FAM171B: variants seen among roughly 807,000 people sequenced by gnomAD.
FAM171B encodes the protein protein FAM171B.
A neutral mutation model predicts 75.6 loss-of-function variants in FAM171B; 19 were observed. That is an observed-to-expected ratio of 0.25 (90% confidence interval 0.18 to 0.37). The LOEUF is 0.37. Ranked by LOEUF, FAM171B falls within the 10% of genes least tolerant of loss-of-function variation. FAM171B has a pLI of 1.00. For missense variants in FAM171B, 848 were observed against 982.4 expected (o/e 0.86, Z 1.83); for synonymous variants, 367 against 361.7 (o/e 1.01, Z -0.17).
In FAM171B at chr2:186,758,818, TATAA is replaced by T. The variant is rs1250875428; in HGVS notation, c.1013-2292_1013-2289del. Among the ~76,000 whole-genome samples the T allele has an allele frequency of 7.2e-5, 11 of 152,246 alleles. No homozygotes were observed. In the East Asian group the frequency reaches 1.7e-3, roughly 24 times the overall value. Reference sequence around the variant, plus strand: ...AATGGGGTATTACCTCAAGCATTGTTATAAATGTTTTAATCATACTCTTTATTTT... The same window carrying T: ...AATGGGGTATTACCTCAAGCATTGTTATGTTTTAATCATACTCTTTATTTT... On this transcript the variant is annotated intron_variant, in intron 6 of 7. Transcript: ENST00000304698.
At chr2:186,744,805 G>A (rs1182544275) in intron 3 of FAM171B, among the ~76,000 whole-genome samples, 2 of 149,974 alleles carry the variant, frequency 1.3e-5, no homozygotes, top group African/African-American at 4.9e-5. Flanking sequence ...AGGATTACAG[G>A]CATGAGCCAC....
intron 1 of FAM171B, among the ~76,000 whole-genome samples, chr2:186,707,501 C>A (rs1242834135): frequency 6.6e-6 from 1 of 152,128 alleles, no homozygotes; most frequent in Non-Finnish European, 1.5e-5. Context: ...CCTTGGGGAT[C>A]GTTCCCAACC....
intron 3 of FAM171B, among the ~76,000 whole-genome samples, chr2:186,746,624 A>G (rs1349751891): frequency 6.6e-6 from 1 of 152,208 alleles, no homozygotes; most frequent in Admixed American, 6.5e-5. Flanking sequence ...CAACTCCTGG[A>G]TGTATACCTG....
At chr2:186,758,950 C>T (rs922073773) in intron 6 of FAM171B, among the ~76,000 whole-genome samples, 9 of 151,900 alleles carry the variant, frequency 5.9e-5, no homozygotes, top group African/African-American at 1.9e-4. Flanking sequence ...CTCCCCCAAC[C>T]CCACACTACC....
At chr2:186,761,032 A>G (rs1690606409) in intron 6 of FAM171B, 81 bp from the exon 7 acceptor site, 2 of 1,431,344 alleles carry the variant, frequency 1.4e-6, no homozygotes, top group Non-Finnish European at 1.9e-6. Context: ...CACTTATTCA[A>G]TTTGCCTCAC....
chr2:186,756,879 A>T (rs945775874), intron 6 of FAM171B, among the ~76,000 whole-genome samples: 15 of 152,114 alleles, frequency 9.9e-5, no homozygotes, highest in African/African-American at 3.6e-4. Flanking sequence ...AATCAGGGGA[A>T]CACTTACTTA....
chr2:186,750,796 C>G (rs1690441565), intron 4 of FAM171B, among the ~76,000 whole-genome samples: 1 of 151,948 alleles, frequency 6.6e-6, no homozygotes, highest in Non-Finnish European at 1.5e-5. Flanking sequence ...TATGATAGAG[C>G]CTTTATGGAA....
At chr2:186,735,788 A>C (rs1377570084) in intron 1 of FAM171B, among the ~76,000 whole-genome samples, 1 of 152,232 alleles carries the variant, frequency 6.6e-6, no homozygotes, top group Non-Finnish European at 1.5e-5. Context: ...AAATTGTTAC[A>C]ACCATATTTA....
Position 186,763,083 on chromosome 2 carries a change from C to T in FAM171B, c.*260C>T, listed in dbSNP as rs994842107. 2.7e-6 allele frequency: 1 copy of T among 373,320 alleles called. No individual in the cohort carries two copies. The highest frequency in any genetic ancestry group is 4.8e-6 in the Non-Finnish European group (1 of 208,712). The allele number at this position is 373,320 out of a possible 1,614,324, so 23.1% of individuals were successfully genotyped here. ...AAAATAGCTTCAAGATGTTAGTTAT[C>T]TGAAAATGTTGCTCAGCCAGCCAGT... On this transcript the variant is annotated 3_prime_UTR_variant, in exon 8 of 8. Transcript: ENST00000304698.
intron 1 of FAM171B, among the ~76,000 whole-genome samples, chr2:186,700,112 G>A (rs1689636120): frequency 6.6e-6 from 1 of 151,556 alleles, no homozygotes; most frequent in South Asian, 2.1e-4. Context: ...TGGCTATTTG[G>A]AGCCTTTTGT....
At chr2:186,739,602 T>C (rs1690257391) in intron 1 of FAM171B, among the ~76,000 whole-genome samples, 1 of 152,192 alleles carries the variant, frequency 6.6e-6, no homozygotes, top group Admixed American at 6.5e-5. Context: ...CCACATCTTG[T>C]CCTACTGGAA....
intron 1 of FAM171B, among the ~76,000 whole-genome samples, chr2:186,716,885 C>T (rs1689882738): frequency 6.6e-6 from 1 of 152,108 alleles, no homozygotes; most frequent in Non-Finnish European, 1.5e-5. Context: ...TGTAGTAATA[C>T]TTCAGGACCA....
intron 1 of FAM171B, among the ~76,000 whole-genome samples, chr2:186,713,380 C>T (rs1689834968): frequency 6.6e-6 from 1 of 152,146 alleles, no homozygotes; most frequent in South Asian, 2.1e-4. Flanking sequence ...ATTAAACTTC[C>T]TCTGGGATAG....
At position 186,710,374 on chromosome 2, in the gene FAM171B, T is replaced by A. The variant is rs972036802; in HGVS notation, c.238+15963T>A. ...GAATTGTGAAGAGGCAATGTATAAA[T>A]CTGTTTAACGAAAGATACTGTCTTA... is the stretch of plus-strand genomic sequence containing the variant. On this transcript the variant is annotated intron_variant, in intron 1 of 7. Transcript: ENST00000304698. Among the ~76,000 whole-genome samples the A allele has an allele frequency of 3.8e-4, 58 of 152,230 alleles. 1 individual carries two copies. Among genetic ancestry groups the A allele is most frequent in the Admixed American group, 3.2e-3 (49 of 15,280 alleles).
intron 1 of FAM171B, among the ~76,000 whole-genome samples, chr2:186,736,117 T>C (rs1326101949): frequency 6.6e-6 from 1 of 152,218 alleles, no homozygotes; most frequent in Non-Finnish European, 1.5e-5. Flanking sequence ...GACAGACTAA[T>C]GGAACCTCAT....
At chr2:186,714,245 A>T (rs932711052) in intron 1 of FAM171B, among the ~76,000 whole-genome samples, 1 of 152,150 alleles carries the variant, frequency 6.6e-6, no homozygotes, top group Non-Finnish European at 1.5e-5. Context: ...ATTGATTAAT[A>T]TATTGATTAG....
intron 1 of FAM171B, among the ~76,000 whole-genome samples, chr2:186,734,043 C>T (rs1052819871): frequency 6.6e-6 from 1 of 152,070 alleles, no homozygotes; most frequent in Non-Finnish European, 1.5e-5. Context: ...AGCTTTTATC[C>T]CACATCCAGG....
At chr2:186,756,074 A>G (rs369721424) in intron 6 of FAM171B, among the ~76,000 whole-genome samples, 79 of 145,944 alleles carry the variant, frequency 5.4e-4, no homozygotes, top group African/African-American at 1.9e-3. Flanking sequence ...CTTACACTAA[A>G]AATATATCTA....
At chr2:186,697,269 G>C (rs1689596977) in intron 1 of FAM171B, among the ~76,000 whole-genome samples, 1 of 152,074 alleles carries the variant, frequency 6.6e-6, no homozygotes, top group Admixed American at 6.5e-5. Context: ...CTACTTATTG[G>C]GTTTTGTGAA....
Sources: gnomAD v4.1 joint callset for allele counts (sites outside exome capture counted in the v4.1 genomes callset) on GRCh38, gnomAD v4.1.1 for gene constraint, MANE v1.5 for transcripts, NCBI Gene and HGNC (gene_info 2026-07-23, HGNC 2026-07-21) for gene names.